CRAMP1: variants seen among roughly 807,000 people sequenced by gnomAD.
CRAMP1 encodes cramped chromatin regulator 1.
CRAMP1 carries 50 observed loss-of-function variants against 115.4 expected under a neutral mutation model. That is an observed-to-expected ratio of 0.43 (90% CI 0.35 to 0.55). The LOEUF is 0.55. CRAMP1 is among the 20% of genes least tolerant of loss of function. CRAMP1 has a pLI of 0.01. For synonymous variants in CRAMP1, 866 were observed against 745.4 expected, an observed-to-expected ratio of 1.16 and a Z score of -2.64; for missense variants, 1,679 against 1,721.7, an observed-to-expected ratio of 0.98 and a Z score of 0.44.
At position 1,672,727 on chromosome 16, in the gene CRAMP1, T is replaced by C. The variant is rs551572255; in HGVS notation, c.3646-1154T>C. 6.6e-6 allele frequency among the ~76,000 whole-genome samples: 1 copy of C among 152,340 alleles called. No individual in the cohort carries two copies. Among genetic ancestry groups the C allele is most frequent in the East Asian group, 1.9e-4 (1 of 5,184 alleles). On this transcript the variant is annotated intron_variant, in intron 20 of 20. Coordinates refer to ENST00000397412, the MANE Select transcript of CRAMP1 (RefSeq NM_020825.4). The surrounding 1 kb of genome is among the most constrained non-coding windows in gnomAD (Gnocchi z 4.9). ...TGTGTGCAAACAATGGCCCCTGTCC[T>C]CATGAGGCTTCTACTCTAGAGCAGG...
At chr16:1,630,932 G>A (rs189134855) in intron 3 of CRAMP1, among the ~76,000 whole-genome samples, 77 of 152,288 alleles carry the variant, frequency 5.1e-4, no homozygotes, top group African/African-American at 1.7e-3. Flanking sequence ...TTCTGTCTCC[G>A]TCCTGGTGGT....
At chr16:1,628,242 A>G (rs1423191563) in intron 3 of CRAMP1, among the ~76,000 whole-genome samples, 5 of 152,162 alleles carry the variant, frequency 3.3e-5, no homozygotes, top group Non-Finnish European at 7.3e-5. Flanking sequence ...AGCGAGGGCA[A>G]GAGAAAGGAC....
At chr16:1,649,639 A>G (rs1407975487) in intron 6 of CRAMP1, among the ~76,000 whole-genome samples, 10 of 151,144 alleles carry the variant, frequency 6.6e-5, no homozygotes, top group Admixed American at 5.9e-4. Context: ...ACAGGCACCC[A>G]CCACCACGCC....
Position 1,661,807 on chromosome 16 carries a change from T to G in CRAMP1, c.2414-683T>G, listed in dbSNP as rs1052532891. ...CAGGGTTTCGCTATGTTGGCCAGGC[T>G]GGCCTACCATGAATTCACAGGGTGA... On this transcript the variant is annotated intron_variant, in intron 11 of 20. Coordinates refer to ENST00000397412, the MANE Select transcript of CRAMP1 (RefSeq NM_020825.4). Among the ~76,000 whole-genome samples the G allele has an allele frequency of 2.0e-5, 3 of 152,156 alleles. No homozygotes were observed. The East Asian group carries it at 5.8e-4, about 29-fold the overall frequency.
At chr16:1,646,658 C>T (rs1013125143) in intron 6 of CRAMP1, among the ~76,000 whole-genome samples, 56 of 152,204 alleles carry the variant, frequency 3.7e-4, no homozygotes, top group African/African-American at 1.4e-3. Context: ...GAAAGTCCTT[C>T]GCTTTGATGA....
At chr16:1,629,980 C>G (rs560142000) in intron 3 of CRAMP1, among the ~76,000 whole-genome samples, 3 of 152,118 alleles carry the variant, frequency 2.0e-5, no homozygotes, top group Admixed American at 1.3e-4. Flanking sequence ...CACCTCCCCT[C>G]TGGCCCCTCC....
rs1005589431 is a variant in CRAMP1, at chr16:1,614,825, C to T, written c.186C>T (p.Pro62=). 4.7e-6 allele frequency: 6 copies of T among 1,269,510 alleles called. No homozygotes were observed. Among genetic ancestry groups the T allele is most frequent in the South Asian group, 6.9e-5 (2 of 28,876 alleles). 78.6% of individuals were successfully genotyped at this position (1,269,510 alleles called of 1,614,324 possible). A position where few individuals can be genotyped will look rare whatever the true frequency, so the allele number is the denominator to read the frequency against. Reference sequence around the variant, plus strand: ...CCGGCGCCGACGGCCCCCCCGCGCCCCCCGGCGCGCCGCAGGCGCCGTCCC... The same window carrying T: ...CCGGCGCCGACGGCCCCCCCGCGCCTCCCGGCGCGCCGCAGGCGCCGTCCC... ...PRAGADGPPA[P]PGAPQAPSPP... is the part of the protein sequence containing the mutation. The change falls in exon 2 of 21, where the codon CCC becomes CCT. Residue 62 remains proline (P), a synonymous_variant. Coordinates refer to ENST00000397412, the MANE Select transcript of CRAMP1 (RefSeq NM_020825.4). This position sits in a 1 kb window ranked among gnomAD's most constrained non-coding sequence, Gnocchi z 4.4.
intron 11 of CRAMP1, among the ~76,000 whole-genome samples, chr16:1,661,358 A>C (rs567913079): frequency 1.4e-5 from 2 of 144,944 alleles, no homozygotes; most frequent in East Asian, 2.1e-4. Context: ...GGGCCGGGTG[A>C]GGGGTCCTGG....
At chr16:1,640,086 A>G (rs1366592221) in intron 5 of CRAMP1, among the ~76,000 whole-genome samples, 2 of 152,180 alleles carry the variant, frequency 1.3e-5, no homozygotes, top group African/African-American at 2.4e-5. Context: ...GCCTGGCGAC[A>G]AGAGCCCTTT....
At chr16:1,665,232 A>G (rs1596497831) in intron 14 of CRAMP1, 94 bp downstream of exon 14, 6 of 784,768 alleles carry the variant, frequency 7.6e-6, no homozygotes, top group Admixed American at 3.9e-5. Flanking sequence ...TCCATGGCCT[A>G]TCTTCAGGCA....
At chr16:1,652,457 C>T (rs746013773) in intron 6 of CRAMP1, 39 bp from the exon 7 acceptor site, 2 of 1,525,024 alleles carry the variant, frequency 1.3e-6, no homozygotes, top group East Asian at 2.5e-5. Flanking sequence ...CTTCTGTTCA[C>T]TCACAGGCCT....
Position 1,666,918 on chromosome 16 carries a change from A to G in CRAMP1, c.3036+318A>G, listed in dbSNP as rs2036881470. 6.6e-6 allele frequency among the ~76,000 whole-genome samples: 1 copy of G among 152,234 alleles called. No individual in the cohort carries two copies. ...GCGCTGTGCTCGGACACCACTGAGCATCTCTTTCATCTGGGAAGAGAGCAG... is the reference window on the plus strand; with the variant it reads ...GCGCTGTGCTCGGACACCACTGAGCGTCTCTTTCATCTGGGAAGAGAGCAG... On this transcript the variant is annotated intron_variant, in intron 16 of 20. Coordinates refer to ENST00000397412, the MANE Select transcript of CRAMP1 (RefSeq NM_020825.4). This position sits in a 1 kb window ranked among gnomAD's most constrained non-coding sequence, Gnocchi z 5.0.
intron 6 of CRAMP1, among the ~76,000 whole-genome samples, chr16:1,648,473 T>G (rs770236367): frequency 2.0e-5 from 3 of 151,720 alleles, no homozygotes; most frequent in Non-Finnish European, 4.4e-5. Flanking sequence ...GGGGTGGTGG[T>G]GGGCGCCTGT....
At position 1,614,709 on chromosome 16, in the gene CRAMP1, G is replaced by C. The variant is rs2036401494; in HGVS notation, c.70G>C (p.Asp24His). Residue 24 changes from aspartate (D) to histidine (H), a missense_variant, in exon 2 of 21, where the codon GAT becomes CAT. Asp to His is a moderately conservative substitution (Grantham distance 81). Transcript: ENST00000397412. This position sits in a 1 kb window ranked among gnomAD's most constrained non-coding sequence, Gnocchi z 4.4. ...GLKKLGKRAA[D>H]EESLEGEGAG... The stretch of plus-strand genomic sequence containing the variant: ...CAAGAAGCTGGGCAAGCGGGCGGCC[G>C]ATGAGGAGTCCCTGGAAGGAGAAGG... The C allele has an allele frequency of 7.4e-7, 1 of 1,347,446 alleles. No homozygotes were observed. Among genetic ancestry groups the C allele is most frequent in the Non-Finnish European group, 9.6e-7 (1 of 1,040,244 alleles). The allele number at this position is 1,347,446 out of a possible 1,614,324, so 83.5% of individuals were successfully genotyped here. A position where few individuals can be genotyped will look rare whatever the true frequency, so the allele number is the denominator to read the frequency against.
chr16:1,674,213 C>G lies in CRAMP1; in HGVS notation c.*168C>G. ...CCCCACGAGCAGCAGGCAACGGCGT[C>G]CAAGGAGACTAGGATGAGTTCTTGG... On this transcript the variant is annotated 3_prime_UTR_variant, in exon 21 of 21. Coordinates refer to ENST00000397412, the MANE Select transcript of CRAMP1 (RefSeq NM_020825.4). The G allele has an allele frequency of 3.1e-6, 2 of 654,182 alleles. No homozygotes were observed. Among genetic ancestry groups the G allele is most frequent in the East Asian group, 2.7e-5 (1 of 36,402 alleles). 40.5% of individuals were successfully genotyped at this position (654,182 alleles called of 1,614,324 possible).
chr16:1,674,005 G>A lies in CRAMP1; in HGVS notation c.3770G>A (p.Gly1257Asp), dbSNP rs532337782. The change falls in exon 21 of 21, where the codon GGT becomes GAT. Residue 1257 changes from glycine (G) to aspartate (D), a missense_variant. This residue lies in a region of CRAMP1 where 709 missense variants were observed against 741.9 expected (regional missense o/e 0.96). Transcript: ENST00000397412. Reference protein sequence around the residue: ...EPGRREALFDGGGGGPAVSDL... With the variant: ...EPGRREALFDDGGGGPAVSDL... ...GGCCGCCGAGAAGCTCTGTTTGATGGTGGTGGAGGCGGCCCCGCTGTCAGT... is the reference window on the plus strand; with the variant it reads ...GGCCGCCGAGAAGCTCTGTTTGATGATGGTGGAGGCGGCCCCGCTGTCAGT... 1.2e-6 allele frequency: 2 copies of A among 1,612,494 alleles called. No individual in the cohort carries two copies. The highest frequency in any genetic ancestry group is 1.3e-5 in the African/African-American group (1 of 75,010).
At chr16:1,654,209 AT>A (rs1280427319) in intron 8 of CRAMP1, among the ~76,000 whole-genome samples, 1 of 147,390 alleles carries the variant, frequency 6.8e-6, no homozygotes, top group Non-Finnish European at 1.5e-5. Context: ...GCCTTTTTTT[AT>A]TTTTTCTTTT....
intron 13 of CRAMP1, among the ~76,000 whole-genome samples, chr16:1,664,810 C>G (rs1220219292): frequency 6.6e-6 from 1 of 151,204 alleles, no homozygotes; most frequent in Non-Finnish European, 1.5e-5. Flanking sequence ...ATGACTCTGA[C>G]ATTCCTCCAG....
chr16:1,646,736 T>A (rs1398495737), intron 6 of CRAMP1, among the ~76,000 whole-genome samples: 1 of 152,260 alleles, frequency 6.6e-6, no homozygotes, highest in African/African-American at 2.4e-5. Flanking sequence ...ACTCTTTGCC[T>A]AACCCAAGGT....
Sources: gnomAD v4.1 joint callset for allele counts (sites outside exome capture counted in the v4.1 genomes callset) on GRCh38, gnomAD v4.1.1 for gene constraint, gnomAD v4.1.1 regional missense constraint, Gnocchi (gnomAD v3.1) non-coding constraint, MANE v1.5 for transcripts, NCBI Gene and HGNC (gene_info 2026-07-23, HGNC 2026-07-21) for gene names.